The following MOB3A variants were observed in gnomAD, a reference collection of about 807,000 sequenced individuals.
MOB3A encodes MOB kinase activator 3A, also known as MOB LAK.
Under a neutral mutation model 17.8 loss-of-function variants are expected in MOB3A, and 17 were observed. The observed-to-expected ratio is 0.95, with a 90% confidence interval of 0.65 to 1.43. The LOEUF (loss-of-function observed/expected upper bound fraction) is 1.43. MOB3A is among the 40% of genes most tolerant of loss of function. MOB3A has a pLI of 0.00. For missense variants in MOB3A, 333 were observed against 310.8 expected, an observed-to-expected ratio of 1.07 and a Z score of -0.54; for synonymous variants, 124 against 133.2, an observed-to-expected ratio of 0.93 and a Z score of 0.48.
chr19:2,089,445 G>A (rs1049686066), intron 1 of MOB3A, among the ~76,000 whole-genome samples: 2 of 152,210 alleles, frequency 1.3e-5, no homozygotes, highest in Non-Finnish European at 2.9e-5. Context: ...GCAGGGTGCT[G>A]AGCAGCGTCC....
Position 2,071,412 on chromosome 19 carries a change from G to A in MOB3A, c.*1983C>T, listed in dbSNP as rs931339958. ...CTTCGGCAGTAACAGTGTGTTAATT[G>A]CACTTGTTCGATTTTCTGGCAGAAG... On this transcript the variant is annotated 3_prime_UTR_variant, in exon 5 of 5. Transcript: ENST00000357066. The A allele has an allele frequency of 6.6e-5, 10 of 152,256 alleles. No individual in the cohort carries two copies. Among genetic ancestry groups the A allele is most frequent in the Admixed American group, 6.5e-4 (10 of 15,270 alleles). The allele number at this position is 152,256 out of a possible 1,614,324, so 9.4% of individuals were successfully genotyped here. A position where few individuals can be genotyped will look rare whatever the true frequency, so the allele number is the denominator to read the frequency against.
chr19:2,076,747 G>A, intron 4 of MOB3A, 64 bp downstream of exon 4: 1 of 1,549,150 alleles, frequency 6.5e-7, no homozygotes, highest in Admixed American at 1.7e-5. Context: ...CCCCGGAAGG[G>A]TTCCTCTGCC....
chr19:2,088,901 C>T (rs1179385838), intron 1 of MOB3A, among the ~76,000 whole-genome samples: 2 of 152,214 alleles, frequency 1.3e-5, no homozygotes, highest in Non-Finnish European at 2.9e-5. Context: ...CGGAGCCTGG[C>T]TCTGTCTCCC....
chr19:2,073,142 C>T lies in MOB3A; in HGVS notation c.*253G>A, dbSNP rs951932358. The T allele has an allele frequency of 1.4e-4, 79 of 557,138 alleles. No homozygotes were observed. The highest frequency in any genetic ancestry group is 2.0e-4 in the Non-Finnish European group (62 of 313,884). The allele number at this position is 557,138 out of a possible 1,614,324, so 34.5% of individuals were successfully genotyped here. ...GGTTTAAAAACACAGTGGGCTTTTCCGGTTGCTAGTAACACATAGAATTAC... is the reference window on the plus strand; with the variant it reads ...GGTTTAAAAACACAGTGGGCTTTTCTGGTTGCTAGTAACACATAGAATTAC... On this transcript the variant is annotated 3_prime_UTR_variant, in exon 5 of 5. Transcript: ENST00000357066.
intron 1 of MOB3A, among the ~76,000 whole-genome samples, chr19:2,087,054 G>A (rs1043989128): frequency 2.0e-5 from 3 of 152,142 alleles, no homozygotes; most frequent in Non-Finnish European, 2.9e-5. Context: ...GCCACCCAAA[G>A]TGCAGGGATT....
chr19:2,080,746 T>C (rs1190888050), intron 2 of MOB3A, among the ~76,000 whole-genome samples: 1 of 152,110 alleles, frequency 6.6e-6, no homozygotes, highest in Non-Finnish European at 1.5e-5. Context: ...GGGCGAGTGT[T>C]TGGGGCTGCC....
intron 4 of MOB3A, among the ~76,000 whole-genome samples, chr19:2,075,008 C>T (rs979838015): frequency 2.6e-5 from 4 of 151,278 alleles, no homozygotes; most frequent in African/African-American, 9.7e-5. Flanking sequence ...TGAGCCACCA[C>T]GCCGGGCCTT....
intron 1 of MOB3A, among the ~76,000 whole-genome samples, chr19:2,092,428 A>G (rs1190798959): frequency 1.3e-5 from 2 of 152,216 alleles, no homozygotes; most frequent in Non-Finnish European, 2.9e-5. Context: ...GTAAACTGAC[A>G]TACTTTTCCC....
At chr19:2,089,315 C>T (rs924594393) in intron 1 of MOB3A, among the ~76,000 whole-genome samples, 2 of 152,170 alleles carry the variant, frequency 1.3e-5, no homozygotes, top group Non-Finnish European at 2.9e-5. Context: ...CAAGTCTGGG[C>T]TTGAACTCAG....
intron 1 of MOB3A, among the ~76,000 whole-genome samples, chr19:2,092,061 C>T (rs974586893): frequency 2.8e-5 from 4 of 145,190 alleles, no homozygotes; most frequent in Non-Finnish European, 4.5e-5. Context: ...AAATAAGGAA[C>T]TATTGTGTCT....
rs566542742 is a variant in MOB3A at position 2,096,296 on chromosome 19, GC to G, written c.-345del. ...GGCCGCCTCGGCCGCCTCAGCCGCC[GC>G]ACCGCCTCGCAGCCGCCGCGGAGGG... On this transcript the variant is annotated 5_prime_UTR_variant, in exon 1 of 5. Transcript: ENST00000357066. 1 of 158,126 alleles carries G rather than the reference GC, an allele frequency of 6.3e-6. No individual in the cohort carries two copies. The highest frequency in any genetic ancestry group is 1.5e-4 in the South Asian group (1 of 6,588). 9.8% of individuals were successfully genotyped at this position (158,126 alleles called of 1,614,324 possible).
At chr19:2,077,177 G>A (rs753806942) in intron 3 of MOB3A, among the ~76,000 whole-genome samples, 164 bp from the exon 4 acceptor site, 3 of 152,160 alleles carry the variant, frequency 2.0e-5, no homozygotes, top group Non-Finnish European at 2.9e-5. Context: ...GAGGCAGGCA[G>A]ATCACTTGAG....
Position 2,072,857 on chromosome 19 carries a change from G to T in MOB3A, c.*538C>A. The T allele has an allele frequency of 6.5e-6, 1 of 154,044 alleles. No individual in the cohort carries two copies. Among genetic ancestry groups the T allele is most frequent in the South Asian group, 2.0e-4 (1 of 5,078 alleles). 9.5% of individuals were successfully genotyped at this position (154,044 alleles called of 1,614,324 possible). A position where few individuals can be genotyped will look rare whatever the true frequency, so the allele number is the denominator to read the frequency against. On this transcript the variant is annotated 3_prime_UTR_variant, in exon 5 of 5. Transcript: ENST00000357066. ...AGAGACACCAGCGGCTGCCAGTGGG[G>T]AGTGCGGAGTAAAGGCCTGCGGGAG... is the stretch of plus-strand genomic sequence containing the variant.
chr19:2,074,640 C>T (rs899351554), intron 4 of MOB3A, among the ~76,000 whole-genome samples: 13 of 151,934 alleles, frequency 8.6e-5, no homozygotes, highest in Non-Finnish European at 1.6e-4. Context: ...GCAACCTCCA[C>T]CTCCTGGGTT....
chr19:2,094,207 C>T (rs756380653), intron 1 of MOB3A, among the ~76,000 whole-genome samples: 2 of 152,006 alleles, frequency 1.3e-5, no homozygotes, highest in Non-Finnish European at 1.5e-5. Flanking sequence ...CCGCCACGCC[C>T]GGCTAATTTT....
intron 2 of MOB3A, among the ~76,000 whole-genome samples, chr19:2,081,794 G>C (rs1208697608): frequency 2.0e-5 from 3 of 152,198 alleles, no homozygotes; most frequent in Non-Finnish European, 2.9e-5. Flanking sequence ...TGAGGCAGGA[G>C]AATCGCTTGA....
rs1436932132 is a variant in MOB3A at position 2,091,513 on chromosome 19, A to G, written c.-274+4713T>C. Among the ~76,000 whole-genome samples the G allele has an allele frequency of 2.0e-5, 3 of 150,932 alleles. No homozygotes were observed. The East Asian group carries it at 6.0e-4, about 30-fold the overall frequency. On this transcript the variant is annotated intron_variant, in intron 1 of 4. Coordinates refer to ENST00000357066, the MANE Select transcript of MOB3A (RefSeq NM_130807.3). ...ATTCTCCTGCCTCAGCCTCCCAAGT[A>G]GCTGGGATTACAGGCGCCCGCCACT...
At position 2,085,338 on chromosome 19, in the gene MOB3A, T is replaced by C. The variant is rs2017539955; in HGVS notation, c.-273-10A>G. On this transcript the variant is annotated splice_polypyrimidine_tract_variant and intron_variant, in intron 1 of 4. Transcript: ENST00000357066. ...TGACCCTTGGAAACTTCTAGAGAAA[T>C]GAAAGGTGAAATGACAAATTCCCCT... The C allele has an allele frequency of 6.6e-6, 1 of 151,220 alleles. No homozygotes were observed. Among genetic ancestry groups the C allele is most frequent in the South Asian group, 2.1e-4 (1 of 4,800 alleles). 9.4% of individuals were successfully genotyped at this position (151,220 alleles called of 1,614,324 possible). A position where few individuals can be genotyped will look rare whatever the true frequency, so the allele number is the denominator to read the frequency against.
At chr19:2,079,328 C>T (rs762423857) in intron 2 of MOB3A, among the ~76,000 whole-genome samples, 1 of 152,254 alleles carries the variant, frequency 6.6e-6, no homozygotes, top group African/African-American at 2.4e-5. Context: ...GGCCGGACTA[C>T]GGCCTCCACA....
Sources: allele counts gnomAD v4.1 joint callset (sites outside exome capture counted in the v4.1 genomes callset), GRCh38; gene constraint gnomAD v4.1.1; transcripts MANE v1.5; gene names NCBI Gene and HGNC (gene_info 2026-07-23, HGNC 2026-07-21).